ARHGEF1: variants seen among roughly 807,000 people sequenced by gnomAD.
ARHGEF1 encodes the protein 115 kDa guanine nucleotide exchange factor.
ARHGEF1 carries 40 observed loss-of-function variants against 119.7 expected under a neutral mutation model. The observed-to-expected ratio is 0.33, with a 90% CI of 0.26 to 0.44. ARHGEF1 has a LOEUF of 0.44. Among genes scored for constraint, ARHGEF1 ranks in the 20% least tolerant of loss-of-function variants. ARHGEF1 has a pLI of 1.00. For missense variants in ARHGEF1, 976 were observed against 1,268.3 expected (o/e 0.77, Z 3.50); for synonymous variants, 494 against 521.0 (o/e 0.95, Z 0.71).
rs1460706845 is a variant in ARHGEF1 at position 41,904,198 on chromosome 19, G to A, written c.1994-18G>A. On this transcript the variant is annotated intron_variant, in intron 21 of 28. Transcript: ENST00000354532. The surrounding 1 kb of genome is among the most constrained non-coding windows in gnomAD (Gnocchi z 8.4). ...GGTCGCGCGGGGGCACGCCGTGTGA[G>A]CACTGCTCGCCCCGTAGAGGTGCAT... 1 of 1,613,202 alleles carries A rather than the reference G, an allele frequency of 6.2e-7. No homozygotes were observed. Among genetic ancestry groups the A allele is most frequent in the Non-Finnish European group, 8.5e-7 (1 of 1,179,430 alleles).
chr19:41,902,156 C>A lies in ARHGEF1; in HGVS notation c.1415-118C>A. ...CATGGGGTGGGGGCAGATACGCCAT[C>A]CGGTCCCGAGGATCAGACACAGACA... is the stretch of plus-strand genomic sequence containing the variant. On this transcript the variant is annotated intron_variant, in intron 15 of 28. Coordinates refer to ENST00000354532, the MANE Select transcript of ARHGEF1 (RefSeq NM_004706.4). The surrounding 1 kb of genome is among the most constrained non-coding windows in gnomAD (Gnocchi z 6.5). 1 of 1,555,100 alleles carries A rather than the reference C, an allele frequency of 6.4e-7. No individual in the cohort carries two copies.
At chr19:41,901,838 C>T in intron 14 of ARHGEF1, 49 bp from the exon 15 acceptor site, 1 of 1,590,390 alleles carries the variant, frequency 6.3e-7, no homozygotes, top group Non-Finnish European at 8.5e-7. Context: ...GGTCATGCCC[C>T]CTAGTCTGCA....
At chr19:41,887,932 C>T in intron 1 of ARHGEF1, 132 bp from the exon 2 acceptor site, 1 of 1,026,874 alleles carries the variant, frequency 9.7e-7, no homozygotes, top group Non-Finnish European at 1.4e-6. Flanking sequence ...ACACAGAGGC[C>T]CCATTGAGCT....
At position 41,904,348 on chromosome 19, in the gene ARHGEF1, G is replaced by A. The variant is rs1451420511; in HGVS notation, c.2126G>A (p.Arg709Gln). 5.0e-6 allele frequency: 8 copies of A among 1,596,114 alleles called. No homozygotes were observed. Among genetic ancestry groups the A allele is most frequent in the African/African-American group, 1.3e-5 (1 of 74,628 alleles). ...AAGACCATGCTGCGGCCCGTGCTGC[G>A]GCTCACCTCCGCCATGACCCGCGAG... ...DGKTMLRPVL[R>Q]LTSAMTREVA... Residue 709 changes from arginine to glutamine, a missense_variant, in exon 22 of 29, where the codon CGG (arginine) becomes CAG (glutamine). Physicochemically the swap from Arg to Gln is conservative, Grantham distance 43. Coordinates refer to ENST00000354532, the MANE Select transcript of ARHGEF1 (RefSeq NM_004706.4). The surrounding 1 kb of genome is among the most constrained non-coding windows in gnomAD (Gnocchi z 8.4).
chr19:41,920,068 GAC>G (rs1428170085), upstream of ARHGEF1, among the ~76,000 whole-genome samples: 1 of 121,124 alleles, frequency 8.3e-6, no homozygotes, highest in Non-Finnish European at 1.7e-5. Flanking sequence ...ACCCAGATGT[GAC>G]ACACTCACAG....
At chr19:41,927,242 G>A (rs1240678566) in intron 1 of ARHGEF1, among the ~76,000 whole-genome samples, 1 of 152,088 alleles carries the variant, frequency 6.6e-6, no homozygotes, top group African/African-American at 2.4e-5. Context: ...CGACAGTGGT[G>A]GAATGATAGA....
rs782069637 is a variant in ARHGEF1 at position 41,888,214 on chromosome 19, C to T, written c.47C>T (p.Pro16Leu). 6.2e-7 allele frequency: 1 copy of T among 1,614,160 alleles called. No homozygotes were observed. Among genetic ancestry groups the T allele is most frequent in the Non-Finnish European group, 8.5e-7 (1 of 1,180,018 alleles). The change falls in exon 3 of 29, where the codon CCT becomes CTT. Residue 16 changes from proline to leucine, a missense_variant. This residue lies in a region of ARHGEF1 where 519 missense variants were observed against 580.9 expected (regional missense o/e 0.89). Coordinates refer to ENST00000354532, the MANE Select transcript of ARHGEF1 (RefSeq NM_004706.4). The surrounding 1 kb of genome is among the most constrained non-coding windows in gnomAD (Gnocchi z 5.1). ...CAGGCCTCCCCAGGCCCCTCCCGGCCTGGCCTGGTTCCCGTCAGCATCATC... is the reference window on the plus strand; with the variant it reads ...CAGGCCTCCCCAGGCCCCTCCCGGCTTGGCCTGGTTCCCGTCAGCATCATC... ...RGAASPGPSR[P>L]GLVPVSIIGA...
At position 41,895,461 on chromosome 19, in the gene ARHGEF1, C is replaced by T; in HGVS notation, c.990C>T (p.Ser330=). The part of the protein sequence containing the change: ...DTPGVSLHPL[S]LDSPDREPGA... ...CTGGAGTCTCTCTGCACCCTCTGTC[C>T]CTGGACAGCCCAGACCGGGAACCAG... is the stretch of plus-strand genomic sequence containing the variant. Residue 330 remains serine (S), a synonymous_variant, in exon 12 of 29, where the codon TCC becomes TCT. Transcript: ENST00000354532. 2 of 1,608,880 alleles carry T rather than the reference C, an allele frequency of 1.2e-6. No homozygotes were observed. The highest frequency in any genetic ancestry group is 2.2e-5 in the South Asian group (2 of 91,022).
At chr19:41,909,555 A>G (rs1224111310), downstream of ARHGEF1, 5 of 1,040,646 alleles carry the variant, frequency 4.8e-6, no homozygotes, top group Non-Finnish European at 6.3e-6. This position sits in a 1 kb window ranked among gnomAD's most constrained non-coding sequence, Gnocchi z 5.2. Flanking sequence ...GTGCTGTCCC[A>G]GGCATGGTGC....
rs782296591 is a variant in ARHGEF1, at chr19:41,893,323, C to T, written c.644+20C>T. 6.3e-6 allele frequency: 10 copies of T among 1,587,614 alleles called. No homozygotes were observed. The highest frequency in any genetic ancestry group is 5.3e-5 in the Admixed American group (3 of 56,936). ...AAAGAGGTGAGGGGGGCAGGGGAGG[C>T]GTGCGGCCTCCTGGGTTTGAGGGAG... On this transcript the variant is annotated intron_variant, in intron 8 of 28. Transcript: ENST00000354532.
rs542168506 is a variant in ARHGEF1 at position 41,904,073 on chromosome 19, C to G, written c.1956C>G (p.Gly652=). The G allele has an allele frequency of 1.1e-5, 17 of 1,614,180 alleles. No homozygotes were observed. In the African/African-American group the frequency reaches 2.3e-4, roughly 22 times the overall value. Reference sequence around the variant, plus strand: ...CCAAGAAGAAATTGGTCCACGAGGGCCCACTGACGTGGCGGGTGACTAAGG... The same window carrying G: ...CCAAGAAGAAATTGGTCCACGAGGGGCCACTGACGTGGCGGGTGACTAAGG... ...DITKKKLVHE[G]PLTWRVTKDK... The change falls in exon 21 of 29, where the codon GGC becomes GGG. Residue 652 remains glycine (G), a synonymous_variant. Transcript: ENST00000354532. This position sits in a 1 kb window ranked among gnomAD's most constrained non-coding sequence, Gnocchi z 8.4.
At chr19:41,918,375 CCACA>C (rs1376368601), upstream of ARHGEF1, among the ~76,000 whole-genome samples, 3 of 150,498 alleles carry the variant, frequency 2.0e-5, no homozygotes, top group African/African-American at 7.4e-5. Flanking sequence ...ACCACACACA[CCACA>C]CATACACCAC....
downstream of ARHGEF1, among the ~76,000 whole-genome samples, chr19:41,910,720 T>C (rs1555851168): frequency 6.6e-6 from 1 of 152,158 alleles, no homozygotes; most frequent in African/African-American, 2.4e-5. This position sits in a 1 kb window ranked among gnomAD's most constrained non-coding sequence, Gnocchi z 4.4. Context: ...CAGAACGATG[T>C]GTGTGTGTGC....
At position 41,917,655 on chromosome 19, in the gene ARHGEF1, C is replaced by G. The variant is rs939838279; in HGVS notation, c.1866-5437C>G. 6.6e-6 allele frequency among the ~76,000 whole-genome samples: 1 copy of G among 151,968 alleles called. No individual in the cohort carries two copies. Among genetic ancestry groups the G allele is most frequent in the African/African-American group, 2.4e-5 (1 of 41,310 alleles). On this transcript the variant is annotated intron_variant, in intron 18 of 20. Coordinates refer to the ARHGEF1 transcript ENST00000599589. This position sits in a 1 kb window ranked among gnomAD's most constrained non-coding sequence, Gnocchi z 4.8. ...CCATGCCCCAAAGCACACGCACGCA[C>G]GCACACACACACCCTGACTGCACCC...
intron 1 of ARHGEF1, chr19:41,884,438 A>G (rs1244612067): frequency 6.2e-7 from 1 of 1,603,288 alleles, no homozygotes; most frequent in African/African-American, 1.3e-5. Flanking sequence ...GCGGAGCCCG[A>G]GCGCGGAGGC....
In ARHGEF1 at chr19:41,906,388, A is replaced by G. The variant is rs2074695735; in HGVS notation, c.2492-69A>G. The G allele has an allele frequency of 6.2e-6, 9 of 1,458,544 alleles. No individual in the cohort carries two copies. Among genetic ancestry groups the G allele is most frequent in the Non-Finnish European group, 8.3e-6 (9 of 1,088,908 alleles). 90.4% of individuals were successfully genotyped at this position (1,458,544 alleles called of 1,614,324 possible). On this transcript the variant is annotated intron_variant, in intron 26 of 28. Coordinates refer to ENST00000354532, the MANE Select transcript of ARHGEF1 (RefSeq NM_004706.4). This position sits in a 1 kb window ranked among gnomAD's most constrained non-coding sequence, Gnocchi z 4.5. ...TCCAGCCCCTACACATCCCCTTTGG[A>G]ATCCCCCATCCCAGATCCCAGCCCA...
At chr19:41,928,202 G>A (rs2074883497) in intron 1 of ARHGEF1, 2 of 152,044 alleles carry the variant, frequency 1.3e-5, no homozygotes, top group East Asian at 1.9e-4. Flanking sequence ...AGAGGACGAG[G>A]AGAGGGAGTC....
At position 41,906,869 on chromosome 19, in the gene ARHGEF1, C is replaced by T. The variant is rs2074708017; in HGVS notation, c.*17+66C>T. 1.6e-6 allele frequency: 2 copies of T among 1,234,550 alleles called. No homozygotes were observed. The allele number at this position is 1,234,550 out of a possible 1,614,324, so 76.5% of individuals were successfully genotyped here. A position where few individuals can be genotyped will look rare whatever the true frequency, so the allele number is the denominator to read the frequency against. On this transcript the variant is annotated intron_variant, in intron 28 of 28. Transcript: ENST00000354532. This position sits in a 1 kb window ranked among gnomAD's most constrained non-coding sequence, Gnocchi z 4.5. Reference sequence around the variant, plus strand: ...GAGGGTCCCCCTCCAGAGCTCGCATCCCTACAGCCCCTTCTGTCCATCTCC... The same window carrying T: ...GAGGGTCCCCCTCCAGAGCTCGCATTCCTACAGCCCCTTCTGTCCATCTCC...
intron 28 of ARHGEF1, 74 bp from the exon 29 acceptor site, chr19:41,907,031 T>G: frequency 7.4e-7 from 1 of 1,358,320 alleles, no homozygotes; most frequent in Non-Finnish European, 9.7e-7. Context: ...TCTCCCTGTC[T>G]TGTCTCTGTG....
Sources: allele counts gnomAD v4.1 joint callset (sites outside exome capture counted in the v4.1 genomes callset), GRCh38; gene constraint gnomAD v4.1.1; regional missense constraint gnomAD v4.1.1; non-coding constraint Gnocchi (gnomAD v3.1); transcripts MANE v1.5; gene names NCBI Gene and HGNC (gene_info 2026-07-23, HGNC 2026-07-21).